The following KLRG1 variants were observed in gnomAD, a reference collection of about 807,000 sequenced individuals.
KLRG1 encodes the protein killer cell lectin like receptor G1.
KLRG1 carries 16 observed loss-of-function variants against 21.8 expected under a neutral mutation model. The ratio of observed to expected loss-of-function variants is 0.73; its 90% CI spans 0.50 to 1.11. The LOEUF (loss-of-function observed/expected upper bound fraction) is 1.11. Among genes scored for constraint, KLRG1 ranks in the 50% most tolerant of loss-of-function variants. The pLI, the probability that KLRG1 is intolerant of heterozygous loss-of-function variation, is 0.00. For missense variants in KLRG1, 173 were observed against 218.3 expected (o/e 0.79, Z 1.31); for synonymous variants, 69 against 75.9 (o/e 0.91, Z 0.47).
At chr12:9,131,617 G>T in the KLRG1 span, among the ~76,000 whole-genome samples, 1 of 152,018 alleles carries the variant, frequency 6.6e-6, no homozygotes, top group Admixed American at 6.6e-5. Flanking sequence ...GTTGTTCATT[G>T]CTGTATTCCC....
At chr12:9,214,422 G>A in the KLRG1 span, among the ~76,000 whole-genome samples, 1 of 151,960 alleles carries the variant, frequency 6.6e-6, no homozygotes, top group Admixed American at 6.5e-5. Context: ...TCAATTTGGG[G>A]ACTATCTTTG....
chr12:9,067,863 A>T, the KLRG1 span: 1 of 1,608,868 alleles, frequency 6.2e-7, no homozygotes, highest in Non-Finnish European at 8.5e-7. Context: ...AAGAAAAAAA[A>T]TTAAGACAGA....
chr12:8,982,937 T>C (rs1280698897), intron 1 of KLRG1, among the ~76,000 whole-genome samples: 1 of 152,084 alleles, frequency 6.6e-6, no homozygotes, highest in East Asian at 1.9e-4. Flanking sequence ...TGAGCCACCA[T>C]GCCTAGCCAG....
At chr12:9,127,895 C>T in the KLRG1 span, 2 of 323,754 alleles carry the variant, frequency 6.2e-6, no homozygotes, top group Non-Finnish European at 1.2e-5. Context: ...ACTTCAAGAC[C>T]ATTGAAGACC....
the KLRG1 span, among the ~76,000 whole-genome samples, chr12:9,174,356 G>A: frequency 6.6e-6 from 1 of 152,080 alleles, no homozygotes; most frequent in African/African-American, 2.4e-5. Flanking sequence ...CAAACACACA[G>A]CCAATATCAT....
chr12:9,012,175 G>A (rs74775042), downstream of KLRG1, among the ~76,000 whole-genome samples: 114 of 152,248 alleles, frequency 7.5e-4, no homozygotes, highest in African/African-American at 2.6e-3. Context: ...CCCCTCCTCC[G>A]ACCCCAGGCA....
the KLRG1 span, among the ~76,000 whole-genome samples, chr12:9,204,538 G>A: frequency 6.6e-6 from 1 of 152,088 alleles, no homozygotes; most frequent in African/African-American, 2.4e-5. Context: ...AGTATTTGCT[G>A]TTTCTCTTAG....
In KLRG1 at chr12:9,009,659, T is replaced by C. The variant is rs1481152213; in HGVS notation, c.*122T>C. 5 of 1,451,502 alleles carry C rather than the reference T, an allele frequency of 3.4e-6. No individual in the cohort carries two copies. Among genetic ancestry groups the C allele is most frequent in the East Asian group, 5.0e-5 (2 of 40,210 alleles). The allele number at this position is 1,451,502 out of a possible 1,614,324, so 89.9% of individuals were successfully genotyped here. On this transcript the variant is annotated 3_prime_UTR_variant, in exon 5 of 5. Transcript: ENST00000356986. ...AGCAAATACTGAACTTTCTCAGATA[T>C]GGCATTAGATGCAAGACAACCTCCT...
In KLRG1 at chr12:9,009,012, G is replaced by T. The variant is rs749465547; in HGVS notation, c.395G>T (p.Trp132Leu). The change falls in exon 4 of 5, where the codon TGG (tryptophan) becomes TTG (leucine). Residue 132 changes from tryptophan (W) to leucine (L), a missense_variant. Trp to Leu is a moderately conservative substitution (Grantham distance 61). This residue lies in a region of KLRG1 where 144 missense variants were observed against 161.5 expected (regional missense o/e 0.89). Coordinates refer to ENST00000356986, the MANE Select transcript of KLRG1 (RefSeq NM_005810.4). ...GTTTTCCTCAGTGAGGCCTTTTGCT[G>T]GATTGGTCTGAGGAACAATTCTGGC... is the stretch of plus-strand genomic sequence containing the variant. ...LQVFLSEAFC[W>L]IGLRNNSGWR... 6.8e-6 allele frequency: 11 copies of T among 1,613,870 alleles called. No individual in the cohort carries two copies. The highest frequency in any genetic ancestry group is 4.2e-6 in the Non-Finnish European group (5 of 1,179,914).
the KLRG1 span, among the ~76,000 whole-genome samples, chr12:9,020,594 A>G: frequency 6.6e-6 from 1 of 152,196 alleles, no homozygotes; most frequent in East Asian, 1.9e-4. Flanking sequence ...GTTTGCATCA[A>G]TATTTTACTC....
intron 1 of KLRG1, among the ~76,000 whole-genome samples, chr12:8,954,233 A>C (rs1202510960): frequency 6.6e-6 from 1 of 152,164 alleles, no homozygotes; most frequent in African/African-American, 2.4e-5. Context: ...TCTTGAAAAA[A>C]ATCACCATAG....
chr12:9,201,164 C>CAAATACAGAAGGAAGAGA, the KLRG1 span: 1 of 1,447,794 alleles, frequency 6.9e-7, no homozygotes, highest in Non-Finnish European at 9.5e-7. Context: ...TCTGGAAAGA[C>CAAATACAGAAGGAAGAGA]AAATACAGAA....
intron 1 of KLRG1, among the ~76,000 whole-genome samples, chr12:8,967,777 A>G (rs1461174656): frequency 1.3e-5 from 2 of 152,180 alleles, no homozygotes; most frequent in Non-Finnish European, 2.9e-5. Context: ...ATTTATAACA[A>G]TAGAAGTAAA....
chr12:9,200,873 C>A, the KLRG1 span: 10 of 1,590,370 alleles, frequency 6.3e-6, no homozygotes, highest in Non-Finnish European at 7.7e-6. Context: ...ATGCCTTTTT[C>A]ATCTTCCATA....
At chr12:8,981,427 GT>G (rs1188931666) in intron 1 of KLRG1, among the ~76,000 whole-genome samples, 4 of 151,228 alleles carry the variant, frequency 2.6e-5, no homozygotes, top group Non-Finnish European at 5.9e-5. Flanking sequence ...TTTTAGCTGT[GT>G]TCTATATATT....
chr12:9,022,028 G>A, the KLRG1 span, among the ~76,000 whole-genome samples: 4 of 151,632 alleles, frequency 2.6e-5, no homozygotes, highest in Admixed American at 1.3e-4. Context: ...GGGAGGCTGA[G>A]ATGGAAGGAT....
At chr12:9,042,475 C>A in the KLRG1 span, among the ~76,000 whole-genome samples, 1 of 152,152 alleles carries the variant, frequency 6.6e-6, no homozygotes, top group African/African-American at 2.4e-5. Context: ...CCTCCTGAAC[C>A]CTCTCAGCTA....
chr12:9,099,943 C>T, the KLRG1 span, among the ~76,000 whole-genome samples: 2 of 152,222 alleles, frequency 1.3e-5, no homozygotes, highest in African/African-American at 4.8e-5. Context: ...CATGCTCCTT[C>T]AGAAGTTATT....
intron 3 of KLRG1, among the ~76,000 whole-genome samples, chr12:8,997,286 T>C (rs778074143): frequency 6.6e-6 from 1 of 152,358 alleles, no homozygotes; most frequent in South Asian, 2.1e-4. Context: ...TTAACATTCC[T>C]GTGGAATCTT....
Sources: allele counts gnomAD v4.1 joint callset (sites outside exome capture counted in the v4.1 genomes callset), GRCh38; gene constraint gnomAD v4.1.1; regional missense constraint gnomAD v4.1.1; transcripts MANE v1.5; gene names NCBI Gene and HGNC (gene_info 2026-07-23, HGNC 2026-07-21).